FOXN3: variants seen among roughly 807,000 people sequenced by gnomAD.
The protein encoded by FOXN3 is forkhead box protein N3.
In FOXN3, 7 loss-of-function variants were observed where a neutral mutation model predicts 38.4. The ratio of observed to expected loss-of-function variants is 0.18; its 90% CI spans 0.10 to 0.34. The LOEUF (loss-of-function observed/expected upper bound fraction) is 0.34. FOXN3 is among the 10% of genes least tolerant of loss of function. The pLI, the probability that FOXN3 is intolerant of heterozygous loss-of-function variation, is 1.00. For synonymous variants in FOXN3, 230 were observed against 242.2 expected, an observed-to-expected ratio of 0.95 and a Z score of 0.47; for missense variants, 456 against 613.4, an observed-to-expected ratio of 0.74 and a Z score of 2.71.
intron 2 of FOXN3, among the ~76,000 whole-genome samples, chr14:89,381,385 T>G (rs575567959): frequency 1.0e-3 from 159 of 152,050 alleles, no homozygotes; most frequent in African/African-American, 3.7e-3. Context: ...TTTAATTTTA[T>G]AACTAAAGCC....
chr14:89,358,867 C>G (rs1451274720), intron 2 of FOXN3, among the ~76,000 whole-genome samples: 1 of 152,162 alleles, frequency 6.6e-6, no homozygotes, highest in African/African-American at 2.4e-5. Context: ...GCTGTGTGGA[C>G]TTGGGCAAAA....
At chr14:89,342,220 T>C (rs1888636661) in intron 3 of FOXN3, among the ~76,000 whole-genome samples, 1 of 152,212 alleles carries the variant, frequency 6.6e-6, no homozygotes, top group South Asian at 2.1e-4. Context: ...GTAAAATAGA[T>C]ATAATCAGCC....
chr14:89,179,579 C>T (rs555506202), intron 5 of FOXN3, among the ~76,000 whole-genome samples: 3 of 152,154 alleles, frequency 2.0e-5, no homozygotes, highest in East Asian at 1.9e-4. Context: ...AATAGTGATG[C>T]GGCATCAGAC....
At chr14:89,617,744 C>T (rs1193579392) in intron 1 of FOXN3, among the ~76,000 whole-genome samples, 1 of 152,066 alleles carries the variant, frequency 6.6e-6, no homozygotes, top group Non-Finnish European at 1.5e-5. Context: ...ATAGAAACAA[C>T]AACAAAAAAT....
chr14:89,470,264 A>G (rs1893065852), intron 1 of FOXN3, among the ~76,000 whole-genome samples: 1 of 149,042 alleles, frequency 6.7e-6, no homozygotes, highest in African/African-American at 2.5e-5. Flanking sequence ...GAATCAACCT[A>G]CAATTATTAC....
At position 89,310,020 on chromosome 14, in the gene FOXN3, G is replaced by A. The variant is rs141327357; in HGVS notation, c.681-29006C>T. 7.8e-3 allele frequency among the ~76,000 whole-genome samples: 1,188 copies of A among 152,348 alleles called. 15 individuals carry two copies. Among genetic ancestry groups the A allele is most frequent in the African/African-American group, 0.027 (1,122 of 41,566 alleles). ...TAAGTGCCATCCTACCCATGCGGGG[G>A]TGGGGACAGTGACCAATGCTCCTGG... is the stretch of plus-strand genomic sequence containing the variant. On this transcript the variant is annotated intron_variant, in intron 3 of 5. Transcript: ENST00000557258.
At position 89,411,940 on chromosome 14, in the gene FOXN3, C is replaced by A; in HGVS notation, c.537G>T (p.Arg179Ser). Reference sequence around the variant, plus strand: ...TCCAGACACAGAGGCTTACCTGACTCCTCTCTTTGTCCACTTTCTTAAAAC... The same window carrying A: ...TCCAGACACAGAGGCTTACCTGACTACTCTCTTTGTCCACTTTCTTAAAAC... ...NKCFKKVDKE[R>S]SQSIGKGSLW... Residue 179 changes from arginine to serine, a missense_variant, in exon 2 of 6, where the codon AGG becomes AGT. Physicochemically the swap from Arg to Ser is moderately radical, Grantham distance 110. Around this residue, in one of 3 missense-constraint regions of FOXN3, gnomAD observed 386 missense variants for 505.2 expected, o/e 0.76. Coordinates refer to ENST00000557258, the MANE Select transcript of FOXN3 (RefSeq NM_005197.4). 1 of 1,479,394 alleles carries A rather than the reference C, an allele frequency of 6.8e-7. No homozygotes were observed. Among genetic ancestry groups the A allele is most frequent in the South Asian group, 1.5e-5 (1 of 67,306 alleles). 91.6% of individuals were successfully genotyped at this position (1,479,394 alleles called of 1,614,324 possible).
chr14:89,505,164 G>A (rs1893886111), intron 1 of FOXN3, among the ~76,000 whole-genome samples: 1 of 152,186 alleles, frequency 6.6e-6, no homozygotes, highest in Admixed American at 6.5e-5. Context: ...GACTGAGGCA[G>A]TTTTAGTTGT....
intron 1 of FOXN3, among the ~76,000 whole-genome samples, chr14:89,489,073 C>A (rs534139143): frequency 6.6e-6 from 1 of 152,232 alleles, no homozygotes; most frequent in East Asian, 1.9e-4. Context: ...TTTTTCATGT[C>A]ACACCAAGGC....
intron 1 of FOXN3, among the ~76,000 whole-genome samples, chr14:89,454,981 A>G (rs1028882644): frequency 5.9e-5 from 9 of 152,178 alleles, no homozygotes. Context: ...ATTCCATTGG[A>G]TAAATGGCAC....
At chr14:89,432,974 C>CA (rs1892194033) in intron 1 of FOXN3, among the ~76,000 whole-genome samples, 2 of 152,310 alleles carry the variant, frequency 1.3e-5, no homozygotes, top group Admixed American at 1.3e-4. Context: ...AGCCAACGAG[C>CA]ACCTGGCCTG....
At chr14:89,325,363 A>T (rs1566956960) in intron 3 of FOXN3, among the ~76,000 whole-genome samples, 1 of 121,262 alleles carries the variant, frequency 8.2e-6, no homozygotes, top group African/African-American at 3.1e-5. Flanking sequence ...CACCACCACT[A>T]CCACCACCGC....
intron 2 of FOXN3, among the ~76,000 whole-genome samples, chr14:89,355,836 C>G (rs1889197778): frequency 6.6e-6 from 1 of 152,084 alleles, no homozygotes; most frequent in African/African-American, 2.4e-5. Flanking sequence ...TTTCCCCCTT[C>G]TCACCACTTG....
chr14:89,462,877 G>A (rs2139730610), intron 1 of FOXN3, among the ~76,000 whole-genome samples: 1 of 150,558 alleles, frequency 6.6e-6, no homozygotes, highest in Admixed American at 6.6e-5. Context: ...GTAGAGACGG[G>A]GTTTCACCAT....
chr14:89,500,042 G>A (rs1398489942), intron 1 of FOXN3, among the ~76,000 whole-genome samples: 1 of 152,056 alleles, frequency 6.6e-6, no homozygotes, highest in Non-Finnish European at 1.5e-5. Context: ...TAGTAGAGAT[G>A]GGGTTTCACC....
chr14:89,390,969 G>A (rs1374305173), intron 2 of FOXN3, among the ~76,000 whole-genome samples: 4 of 152,216 alleles, frequency 2.6e-5, no homozygotes, highest in African/African-American at 9.6e-5. Flanking sequence ...GGCAGACAGT[G>A]TCTCGAGAAA....
chr14:89,268,731 G>A (rs111442464), intron 4 of FOXN3, among the ~76,000 whole-genome samples: 22 of 152,254 alleles, frequency 1.4e-4, no homozygotes, highest in African/African-American at 5.3e-4. Flanking sequence ...TGGGCCACGT[G>A]CCTATCCCTC....
chr14:89,285,863 ATTTTTTTT>A (rs34767285), intron 3 of FOXN3, among the ~76,000 whole-genome samples: 53 of 145,934 alleles, frequency 3.6e-4, no homozygotes, highest in East Asian at 1.4e-3. Context: ...TTTACCAAAA[ATTTTTTTT>A]TTTTTTTTTT....
At chr14:89,572,887 G>A (rs1270331028) in intron 1 of FOXN3, among the ~76,000 whole-genome samples, 2 of 152,214 alleles carry the variant, frequency 1.3e-5, no homozygotes, top group Admixed American at 1.3e-4. Context: ...ATGCAAATGA[G>A]TTCTAATTGC....
Sources: gnomAD v4.1 joint callset for allele counts (sites outside exome capture counted in the v4.1 genomes callset) on GRCh38, gnomAD v4.1.1 for gene constraint, gnomAD v4.1.1 regional missense constraint, MANE v1.5 for transcripts, NCBI Gene and HGNC (gene_info 2026-07-23, HGNC 2026-07-21) for gene names.